GMDS: variants seen among roughly 807,000 people sequenced by gnomAD.
GMDS encodes the protein GDP-mannose 4,6-dehydratase.
In GMDS, 20 loss-of-function variants were observed where a neutral mutation model predicts 49.9. The ratio of observed to expected loss-of-function variants is 0.40; its 90% CI spans 0.28 to 0.58. The LOEUF (loss-of-function observed/expected upper bound fraction) is 0.58, where lower values mean the gene tolerates loss of function less well. Ranked by LOEUF, GMDS falls within the 20% of genes least tolerant of loss-of-function variation. The pLI is 0.42. For synonymous variants in GMDS, 177 were observed against 178.6 expected (o/e 0.99, Z 0.07); for missense variants, 362 against 481.4 (o/e 0.75, Z 2.32).
At chr6:2,078,971 A>G (rs1002202647) in intron 4 of GMDS, among the ~76,000 whole-genome samples, 3 of 140,960 alleles carry the variant, frequency 2.1e-5, no homozygotes, top group Non-Finnish European at 3.1e-5. Flanking sequence ...TAGAGCCATA[A>G]TATTCTGTTG....
chr6:1,700,046 C>A (rs1765488433), intron 9 of GMDS, among the ~76,000 whole-genome samples: 3 of 152,100 alleles, frequency 2.0e-5, no homozygotes, highest in Non-Finnish European at 4.4e-5. Flanking sequence ...TTTTTGCATT[C>A]TTTTTCTATA....
At chr6:2,071,323 A>G (rs2127459093) in intron 4 of GMDS, among the ~76,000 whole-genome samples, 1 of 152,240 alleles carries the variant, frequency 6.6e-6, no homozygotes, top group East Asian at 1.9e-4. Flanking sequence ...TCTTATCCTG[A>G]TGAATTGGTC....
At chr6:1,967,646 G>A (rs768194500) in intron 4 of GMDS, among the ~76,000 whole-genome samples, 2 of 152,190 alleles carry the variant, frequency 1.3e-5, no homozygotes, top group Admixed American at 6.5e-5. Flanking sequence ...GCAGGCAGGA[G>A]GAGATAGTTA....
chr6:2,154,517 T>C (rs990550026), intron 1 of GMDS, among the ~76,000 whole-genome samples: 8 of 152,074 alleles, frequency 5.3e-5, no homozygotes, highest in African/African-American at 1.9e-4. Flanking sequence ...TTTTGGCATA[T>C]AAAATAGGAA....
intron 1 of GMDS, among the ~76,000 whole-genome samples, chr6:2,154,173 T>G (rs1776988146): frequency 6.6e-6 from 1 of 152,152 alleles, no homozygotes; most frequent in African/African-American, 2.4e-5. Flanking sequence ...ATTAAAAGAT[T>G]TTTATATTTC....
At chr6:1,772,071 AATG>A (rs1171009530) in intron 7 of GMDS, among the ~76,000 whole-genome samples, 2 of 152,242 alleles carry the variant, frequency 1.3e-5, no homozygotes, top group Non-Finnish European at 2.9e-5. Context: ...GGACTAGAAG[AATG>A]ATATTTATGA....
rs1263023449 is a variant in GMDS, at chr6:2,099,049, G to A, written c.345+16722C>T. 2.6e-5 allele frequency among the ~76,000 whole-genome samples: 4 copies of A among 152,000 alleles called. No individual in the cohort carries two copies. The East Asian group carries it at 7.7e-4, about 29-fold the overall frequency. ...GCTGTGCTTGGGATACTACAATACT[G>A]TCGCTTATAAAGACACATTTTTAAA... On this transcript the variant is annotated intron_variant, in intron 4 of 10. Transcript: ENST00000380815.
intron 7 of GMDS, among the ~76,000 whole-genome samples, chr6:1,912,051 G>A (rs1761088800): frequency 6.6e-6 from 1 of 152,016 alleles, no homozygotes; most frequent in Admixed American, 6.6e-5. Context: ...TTTTAGAATC[G>A]ACCATTTCTG....
intron 4 of GMDS, among the ~76,000 whole-genome samples, chr6:2,027,010 T>C (rs747526006): frequency 1.3e-5 from 2 of 152,164 alleles, no homozygotes; most frequent in African/African-American, 4.8e-5. Flanking sequence ...CCAGAAATTA[T>C]GGAATACATT....
At chr6:1,930,034 C>T (rs771919943) in intron 7 of GMDS, 69 bp downstream of exon 7, 449 of 1,412,788 alleles carry the variant, frequency 3.2e-4, no homozygotes, top group Non-Finnish European at 4.1e-4. Context: ...CACTTTTTCA[C>T]TGTACGCTTG....
chr6:2,075,444 T>A (rs920548406), intron 4 of GMDS, among the ~76,000 whole-genome samples: 1 of 152,178 alleles, frequency 6.6e-6, no homozygotes, highest in Non-Finnish European at 1.5e-5. Context: ...TGTGTGATGT[T>A]CCTCTTCCTG....
chr6:2,024,520 A>G (rs1256321661), intron 4 of GMDS, among the ~76,000 whole-genome samples: 2 of 152,200 alleles, frequency 1.3e-5, no homozygotes, highest in East Asian at 3.8e-4. Flanking sequence ...GTAGCAGTTC[A>G]GGGTTAAAGT....
intron 1 of GMDS, among the ~76,000 whole-genome samples, chr6:2,212,718 A>T (rs1780124061): frequency 6.6e-6 from 1 of 151,572 alleles, no homozygotes; most frequent in Non-Finnish European, 1.5e-5. Flanking sequence ...AAAAAAAAAA[A>T]AAAAAAAAAA....
At chr6:2,203,814 C>T (rs1281750909) in intron 1 of GMDS, among the ~76,000 whole-genome samples, 1 of 152,094 alleles carries the variant, frequency 6.6e-6, no homozygotes, top group African/African-American at 2.4e-5. Context: ...GCAGGTGAAA[C>T]ATCATCGCAA....
At chr6:1,647,378 A>G (rs1425128078) in intron 9 of GMDS, among the ~76,000 whole-genome samples, 4 of 152,152 alleles carry the variant, frequency 2.6e-5, no homozygotes, top group East Asian at 1.9e-4. Flanking sequence ...GGGAACAGGA[A>G]TTTAAGCAGC....
At position 1,843,109 on chromosome 6, in the gene GMDS, C is replaced by CAAATAAAATAAAATAAAATAAAATA. The variant is rs10629924; in HGVS notation, c.771+86969_771+86993dup. Among the ~76,000 whole-genome samples, 389 of 137,162 alleles carry CAAATAAAATAAAATAAAATAAAATA rather than the reference C, an allele frequency of 2.8e-3. 4 individuals are homozygous for CAAATAAAATAAAATAAAATAAAATA. Among genetic ancestry groups the CAAATAAAATAAAATAAAATAAAATA allele is most frequent in the African/African-American group, 9.3e-3 (339 of 36,380 alleles). 90.0% of individuals were successfully genotyped at this position (137,162 alleles called of 152,430 possible). A position where few individuals can be genotyped will look rare whatever the true frequency, so the allele number is the denominator to read the frequency against. On this transcript the variant is annotated intron_variant, in intron 7 of 10. Coordinates refer to ENST00000380815, the MANE Select transcript of GMDS (RefSeq NM_001500.4). Reference sequence around the variant, plus strand: ...TGAGCAACAGAGTAAGACCCTGCATCAAATAAAATAAAATAAAATAAAATA... The same window carrying CAAATAAAATAAAATAAAATAAAATA: ...TGAGCAACAGAGTAAGACCCTGCATCAAATAAAATAAAATAAAATAAAATAAAATAAAATAAAATAAAATAAAATA...
intron 7 of GMDS, among the ~76,000 whole-genome samples, chr6:1,840,299 G>A (rs778800721): frequency 9.2e-5 from 14 of 152,258 alleles, no homozygotes; most frequent in African/African-American, 1.4e-4. Context: ...CCCCTCTCAC[G>A]CTCTGCCTCT....
At chr6:2,067,631 A>C (rs1771696099) in intron 4 of GMDS, among the ~76,000 whole-genome samples, 1 of 152,124 alleles carries the variant, frequency 6.6e-6, no homozygotes, top group Non-Finnish European at 1.5e-5. Flanking sequence ...AGAATACTAT[A>C]AACACCTCTA....
chr6:1,695,722 C>G lies in GMDS; in HGVS notation c.987+30694G>C, dbSNP rs1005138190. Reference sequence around the variant, plus strand: ...AGGCCCCTGTGTGCAGGGACCCTGCCCTGTCACTCTGAGGTCCTGGCACCG... The same window carrying G: ...AGGCCCCTGTGTGCAGGGACCCTGCGCTGTCACTCTGAGGTCCTGGCACCG... On this transcript the variant is annotated intron_variant, in intron 9 of 10. Transcript: ENST00000380815. 7.9e-5 allele frequency among the ~76,000 whole-genome samples: 12 copies of G among 152,192 alleles called. No homozygotes were observed. The East Asian group carries it at 2.1e-3, about 27-fold the overall frequency.
Sources: gnomAD v4.1 joint callset for allele counts (sites outside exome capture counted in the v4.1 genomes callset) on GRCh38, gnomAD v4.1.1 for gene constraint, MANE v1.5 for transcripts, NCBI Gene and HGNC (gene_info 2026-07-23, HGNC 2026-07-21) for gene names.